The following TEAD1 variants were observed in gnomAD, a reference collection of about 807,000 sequenced individuals.
The protein encoded by TEAD1 is transcriptional enhancer factor TEF-1.
A neutral mutation model predicts 54.9 loss-of-function variants in TEAD1; 9 were observed. The ratio of observed to expected loss-of-function variants is 0.16; its 90% CI spans 0.10 to 0.29. TEAD1 has a LOEUF of 0.29. TEAD1 is among the 10% of genes least tolerant of loss of function. TEAD1 has a pLI of 1.00. For synonymous variants in TEAD1, 200 were observed against 187.8 expected, an observed-to-expected ratio of 1.07 and a Z score of -0.53; for missense variants, 387 against 535.9, an observed-to-expected ratio of 0.72 and a Z score of 2.74.
intron 3 of TEAD1, among the ~76,000 whole-genome samples, chr11:12,797,403 G>T (rs912618008): frequency 6.6e-6 from 1 of 152,094 alleles, no homozygotes; most frequent in Non-Finnish European, 1.5e-5. Flanking sequence ...TTTCACAGAC[G>T]GTTGGCACCC....
intron 5 of TEAD1, chr11:12,878,953 C>CT (rs1290853141): frequency 4.8e-6 from 6 of 1,252,124 alleles, no homozygotes; most frequent in East Asian, 5.6e-5. Context: ...GCTTGGCAGA[C>CT]TTTTTTGGCT....
intron 2 of TEAD1, among the ~76,000 whole-genome samples, chr11:12,726,312 T>C (rs1944310594): frequency 6.6e-6 from 1 of 152,150 alleles, no homozygotes; most frequent in South Asian, 2.1e-4. Flanking sequence ...TGGCTGAGAA[T>C]TGGGACGTCA....
chr11:12,874,334 G>A (rs1218911267), intron 5 of TEAD1, among the ~76,000 whole-genome samples: 1 of 152,172 alleles, frequency 6.6e-6, no homozygotes, highest in Non-Finnish European at 1.5e-5. Context: ...AGACTGATCC[G>A]TGAGATGTCC....
At chr11:12,931,850 T>A (rs1320826177) in intron 12 of TEAD1, among the ~76,000 whole-genome samples, 16 of 152,142 alleles carry the variant, frequency 1.1e-4, no homozygotes. Flanking sequence ...GTTTAAAACA[T>A]CTAAGGCCTA....
At chr11:12,688,777 A>G (rs1943389230) in intron 2 of TEAD1, among the ~76,000 whole-genome samples, 1 of 152,214 alleles carries the variant, frequency 6.6e-6, no homozygotes, top group Non-Finnish European at 1.5e-5. Context: ...TAAATGAAAT[A>G]TAGCGAATGA....
Position 12,781,645 on chromosome 11 carries a change from T to TA in TEAD1, c.202+17224dup, listed in dbSNP as rs57397259. 2.9e-3 allele frequency among the ~76,000 whole-genome samples: 419 copies of TA among 143,042 alleles called. 2 individuals carry two copies. The highest frequency in any genetic ancestry group is 8.6e-3 in the Admixed American group (123 of 14,272). 93.8% of individuals were successfully genotyped at this position (143,042 alleles called of 152,430 possible). ...TTATATCTCTTAGGATGGCTATCATTAAAAAAAAAAAAACAGACAATAACA... is the reference window on the plus strand; with the variant it reads ...TTATATCTCTTAGGATGGCTATCATTAAAAAAAAAAAAAACAGACAATAACA... On this transcript the variant is annotated intron_variant, in intron 3 of 12. Coordinates refer to ENST00000527636, the MANE Select transcript of TEAD1 (RefSeq NM_021961.6).
chr11:12,882,916 C>T lies in TEAD1; in HGVS notation c.575-85C>T, dbSNP rs1033254128. ...GGGCTGTTGGCATTTCCTTCTGGGT[C>T]ATCTGTAGAGCCCTGTTCCAGTATT... is the stretch of plus-strand genomic sequence containing the variant. On this transcript the variant is annotated intron_variant, in intron 8 of 12. Coordinates refer to ENST00000527636, the MANE Select transcript of TEAD1 (RefSeq NM_021961.6). 1.8e-4 allele frequency: 287 copies of T among 1,605,692 alleles called. 1 individual carries two copies. In the African/African-American group the frequency reaches 3.5e-3, roughly 19 times the overall value.
At chr11:12,763,114 A>T (rs150470910) in intron 2 of TEAD1, among the ~76,000 whole-genome samples, 1 of 152,202 alleles carries the variant, frequency 6.6e-6, no homozygotes, top group Admixed American at 6.5e-5. Flanking sequence ...GACAGCAGGG[A>T]GTACTGGATT....
At chr11:12,792,906 A>G (rs1278192161) in intron 3 of TEAD1, among the ~76,000 whole-genome samples, 1 of 152,192 alleles carries the variant, frequency 6.6e-6, no homozygotes, top group South Asian at 2.1e-4. Context: ...AAATTAAAAA[A>G]TTAGCCGGGA....
At chr11:12,684,325 A>G (rs1051916148) in intron 2 of TEAD1, among the ~76,000 whole-genome samples, 30 of 152,254 alleles carry the variant, frequency 2.0e-4, no homozygotes, top group African/African-American at 7.2e-4. Flanking sequence ...GCATGGTGCA[A>G]CTTCATCTGT....
chr11:12,842,240 G>A (rs574063681), intron 3 of TEAD1, among the ~76,000 whole-genome samples: 1 of 152,300 alleles, frequency 6.6e-6, no homozygotes, highest in South Asian at 2.1e-4. Flanking sequence ...TCTGCAGCAA[G>A]ATGGAGCTGC....
chr11:12,849,782 C>A (rs1341308102), intron 3 of TEAD1, among the ~76,000 whole-genome samples: 1 of 152,172 alleles, frequency 6.6e-6, no homozygotes, highest in African/African-American at 2.4e-5. Flanking sequence ...GCTATACTTA[C>A]CTTCTGGCAA....
chr11:12,883,741 T>C (rs886603822), intron 9 of TEAD1, among the ~76,000 whole-genome samples: 44 of 152,216 alleles, frequency 2.9e-4, no homozygotes, highest in African/African-American at 8.4e-4. Flanking sequence ...TGGCCAGGCA[T>C]GGTGGCTCAC....
At chr11:12,761,441 A>G (rs1215525090) in intron 2 of TEAD1, among the ~76,000 whole-genome samples, 2 of 152,224 alleles carry the variant, frequency 1.3e-5, no homozygotes, top group Non-Finnish European at 1.5e-5. Flanking sequence ...GAATCTTCCC[A>G]TCTTTGGGCT....
At chr11:12,907,401 G>A (rs1183943118) in intron 10 of TEAD1, among the ~76,000 whole-genome samples, 1 of 152,168 alleles carries the variant, frequency 6.6e-6, no homozygotes, top group Non-Finnish European at 1.5e-5. Flanking sequence ...ACAGAGTAAT[G>A]GGATTCTTTT....
At position 12,922,121 on chromosome 11, in the gene TEAD1, T is replaced by C. The variant is rs559906545; in HGVS notation, c.874-2791T>C. ...ACCTGAGACAAGTTAATTATTGTAG[T>C]TGAACTCTGAATTTAGCTTTGAATT... On this transcript the variant is annotated intron_variant, in intron 10 of 12. Transcript: ENST00000527636. 4.2e-4 allele frequency among the ~76,000 whole-genome samples: 64 copies of C among 152,228 alleles called. 1 individual carries two copies. Among genetic ancestry groups the C allele is most frequent in the Non-Finnish European group, 2.4e-4 (16 of 68,018 alleles).
At chr11:12,733,078 G>A (rs1053656112) in intron 2 of TEAD1, among the ~76,000 whole-genome samples, 7 of 152,142 alleles carry the variant, frequency 4.6e-5, no homozygotes, top group African/African-American at 1.7e-4. Context: ...CCACATGGGG[G>A]CCTGCCTTGG....
At chr11:12,849,808 T>C (rs1228087764) in intron 3 of TEAD1, among the ~76,000 whole-genome samples, 2 of 152,236 alleles carry the variant, frequency 1.3e-5, no homozygotes, top group Non-Finnish European at 2.9e-5. Flanking sequence ...TCATTCCTGC[T>C]ATTTATTCAG....
chr11:12,742,051 A>G (rs935906422), intron 2 of TEAD1, among the ~76,000 whole-genome samples: 1 of 152,240 alleles, frequency 6.6e-6, no homozygotes, highest in Admixed American at 6.5e-5. Context: ...ACCATAGATC[A>G]GAGGTTGGAA....
Sources: allele counts gnomAD v4.1 joint callset (sites outside exome capture counted in the v4.1 genomes callset), GRCh38; gene constraint gnomAD v4.1.1; transcripts MANE v1.5; gene names NCBI Gene and HGNC (gene_info 2026-07-23, HGNC 2026-07-21).